The following TINAG variants were observed in gnomAD, a reference collection of about 807,000 sequenced individuals.
TINAG encodes the protein tubulointerstitial nephritis antigen.
A neutral mutation model predicts 72.7 loss-of-function variants in TINAG; 83 were observed. The ratio of observed to expected loss-of-function variants is 1.14; its 90% CI spans 0.96 to 1.37. The LOEUF is 1.37. Among genes scored for constraint, TINAG ranks in the 40% most tolerant of loss-of-function variants. TINAG has a pLI of 0.00. For missense variants in TINAG, 685 were observed against 576.6 expected (o/e 1.19, Z -1.93); for synonymous variants, 234 against 189.9 (o/e 1.23, Z -1.91).
chr6:54,369,247 T>C (rs1216099573), intron 9 of TINAG, among the ~76,000 whole-genome samples: 2 of 151,910 alleles, frequency 1.3e-5, no homozygotes, highest in African/African-American at 4.8e-5. Flanking sequence ...AGAAAATCAC[T>C]TTTTGCTTGT....
chr6:54,321,498 A>T, intron 3 of TINAG, 112 bp downstream of exon 3: 1 of 698,476 alleles, frequency 1.4e-6, no homozygotes, highest in Non-Finnish European at 2.5e-6. Flanking sequence ...AGAGTGGGAG[A>T]GAAATAGGAA....
At chr6:54,332,934 T>A (rs1243542632) in intron 4 of TINAG, among the ~76,000 whole-genome samples, 2 of 152,118 alleles carry the variant, frequency 1.3e-5, no homozygotes, top group Non-Finnish European at 2.9e-5. Flanking sequence ...CTCATGCCAG[T>A]TAGAATGGCA....
chr6:54,354,525 T>A lies in TINAG; in HGVS notation c.1139T>A (p.Val380Asp), dbSNP rs764383099. The A allele has an allele frequency of 1.2e-6, 2 of 1,605,412 alleles. No homozygotes were observed. The highest frequency in any genetic ancestry group is 3.4e-5 in the Admixed American group (2 of 58,610). ...GATTTTATTTTAGCCATAATGCAAGTCCGTGAAGATTTCTTCCATTATAAG... is the reference window on the plus strand; with the variant it reads ...GATTTTATTTTAGCCATAATGCAAGACCGTGAAGATTTCTTCCATTATAAG... The part of the protein sequence containing the change: ...QNGPVQAIMQ[V>D]REDFFHYKTG... Residue 380 changes from valine (V) to aspartate (D), a missense_variant, in exon 9 of 11, where the codon GTC (valine) becomes GAC (aspartate). Coordinates refer to ENST00000259782, the MANE Select transcript of TINAG (RefSeq NM_014464.4).
chr6:54,335,970 G>T (rs1054654190), intron 4 of TINAG, among the ~76,000 whole-genome samples: 3 of 151,956 alleles, frequency 2.0e-5, no homozygotes, highest in Admixed American at 1.3e-4. Context: ...GTTTAGATTC[G>T]GGAAATTATT....
intron 4 of TINAG, among the ~76,000 whole-genome samples, chr6:54,328,444 C>T (rs1395423331): frequency 6.6e-6 from 1 of 152,008 alleles, no homozygotes; most frequent in African/African-American, 2.4e-5. Context: ...AAAGGACACC[C>T]ACGCAAAAAC....
chr6:54,314,725 G>T (rs1455272472), intron 1 of TINAG, among the ~76,000 whole-genome samples: 1 of 152,110 alleles, frequency 6.6e-6, no homozygotes, highest in African/African-American at 2.4e-5. Context: ...TTAATGTGCT[G>T]AAATGTACTT....
chr6:54,349,257 A>G (rs1323563066), intron 6 of TINAG, among the ~76,000 whole-genome samples: 9 of 151,970 alleles, frequency 5.9e-5, no homozygotes. Context: ...CACAAAAACA[A>G]AACAAAATAA....
At chr6:54,355,869 G>A (rs1286535428) in intron 9 of TINAG, among the ~76,000 whole-genome samples, 1 of 151,126 alleles carries the variant, frequency 6.6e-6, no homozygotes, top group South Asian at 2.1e-4. Flanking sequence ...AGGAAGGAAG[G>A]AAGGAAAGAA....
At chr6:54,380,132 G>A (rs1288402458) in intron 9 of TINAG, among the ~76,000 whole-genome samples, 1 of 152,132 alleles carries the variant, frequency 6.6e-6, no homozygotes, top group African/African-American at 2.4e-5. Flanking sequence ...TGGCTGCATA[G>A]TATTCCATGG....
intron 10 of TINAG, among the ~76,000 whole-genome samples, chr6:54,386,999 C>T (rs928516313): frequency 2.6e-5 from 4 of 152,106 alleles, no homozygotes; most frequent in African/African-American, 9.7e-5. Flanking sequence ...ATCTATCTAT[C>T]TATCTGGAAA....
At chr6:54,355,398 G>A (rs78314096) in intron 9 of TINAG, among the ~76,000 whole-genome samples, 2 of 151,356 alleles carry the variant, frequency 1.3e-5, no homozygotes, top group Non-Finnish European at 1.5e-5. Flanking sequence ...TAATTTTATT[G>A]AGCCTACGCA....
In TINAG at chr6:54,314,457, T is replaced by C. The variant is rs528547488; in HGVS notation, c.355+5552T>C. On this transcript the variant is annotated intron_variant, in intron 1 of 10. Coordinates refer to ENST00000259782, the MANE Select transcript of TINAG (RefSeq NM_014464.4). ...CTGTTTTATTTCTTTGGCCAGAATA[T>C]AGTCACATGGACATACCAACCATCA... Among the ~76,000 whole-genome samples, 66 of 152,278 alleles carry C rather than the reference T, an allele frequency of 4.3e-4. No homozygotes were observed. In the Middle Eastern group the frequency reaches 0.014, roughly 31 times the overall value.
intron 9 of TINAG, among the ~76,000 whole-genome samples, chr6:54,365,053 C>A (rs1304964759): frequency 1.3e-5 from 2 of 151,434 alleles, no homozygotes; most frequent in Admixed American, 6.6e-5. Context: ...GCTGAATTTT[C>A]ATGCTATGTT....
chr6:54,321,462 T>C (rs878959934), intron 3 of TINAG, 76 bp downstream of exon 3: 12 of 986,888 alleles, frequency 1.2e-5, no homozygotes, highest in South Asian at 5.6e-5. Flanking sequence ...GCTTGGTTTC[T>C]ATAAATGGTC....
At chr6:54,317,624 C>T (rs1427751580) in intron 1 of TINAG, among the ~76,000 whole-genome samples, 1 of 152,154 alleles carries the variant, frequency 6.6e-6, no homozygotes. Flanking sequence ...TTGGGTATGT[C>T]TTTATTAGCA....
intron 1 of TINAG, among the ~76,000 whole-genome samples, chr6:54,311,004 ATTCCT>A (rs1388427499): frequency 2.6e-5 from 3 of 115,520 alleles, no homozygotes; most frequent in South Asian, 5.1e-4. Context: ...TTTCCTTTCT[ATTCCT>A]TTCCTTTCCT....
intron 4 of TINAG, among the ~76,000 whole-genome samples, chr6:54,340,834 G>A (rs1784980061): frequency 6.6e-6 from 1 of 151,892 alleles, no homozygotes; most frequent in Non-Finnish European, 1.5e-5. Flanking sequence ...CATTTTTAAA[G>A]AATAAATCAT....
At chr6:54,320,315 C>A (rs538118715) in intron 1 of TINAG, among the ~76,000 whole-genome samples, 2 of 151,930 alleles carry the variant, frequency 1.3e-5, no homozygotes, top group East Asian at 3.9e-4. Flanking sequence ...GTGATTAATT[C>A]CTTGGTAATC....
At chr6:54,312,701 A>G (rs1392203386) in intron 1 of TINAG, among the ~76,000 whole-genome samples, 1 of 152,202 alleles carries the variant, frequency 6.6e-6, no homozygotes, top group Non-Finnish European at 1.5e-5. Context: ...ATTAATATGA[A>G]TCAGAAATAT....
Sources: gnomAD v4.1 joint callset for allele counts (sites outside exome capture counted in the v4.1 genomes callset) on GRCh38, gnomAD v4.1.1 for gene constraint, MANE v1.5 for transcripts, NCBI Gene and HGNC (gene_info 2026-07-23, HGNC 2026-07-21) for gene names.